The following MAP3K1 variants were observed in gnomAD, a reference collection of about 807,000 sequenced individuals.
MAP3K1 encodes mitogen-activated protein kinase kinase kinase 1.
In MAP3K1, 36 loss-of-function variants were observed where a neutral mutation model predicts 144.2. That is an observed-to-expected ratio of 0.25 (90% CI 0.19 to 0.33). MAP3K1 has a LOEUF of 0.33. Ranked by LOEUF, MAP3K1 falls within the 10% of genes least tolerant of loss-of-function variation. The probability of loss-of-function intolerance (pLI) is 1.00; values close to 1 mark genes in which losing one functional copy is unlikely to be tolerated. For missense variants in MAP3K1, 1,650 were observed against 1,881.9 expected, an observed-to-expected ratio of 0.88 and a Z score of 2.28; for synonymous variants, 718 against 688.7, an observed-to-expected ratio of 1.04 and a Z score of -0.67.
chr5:56,831,547 T>G (rs1746494908), intron 1 of MAP3K1, among the ~76,000 whole-genome samples: 1 of 152,246 alleles, frequency 6.6e-6, no homozygotes, highest in East Asian at 1.9e-4. Flanking sequence ...CAGGCAGGCA[T>G]TTAGTTTGCA....
At chr5:56,817,228 T>A (rs577098096) in intron 1 of MAP3K1, 1 of 412,262 alleles carries the variant, frequency 2.4e-6, no homozygotes, top group Non-Finnish European at 3.3e-6. Flanking sequence ...GTTTGTTTTT[T>A]AAAAACCTGA....
Position 56,856,634 on chromosome 5 carries a change from T to A in MAP3K1, c.517T>A (p.Leu173Met). 7 of 1,613,902 alleles carry A rather than the reference T, an allele frequency of 4.3e-6. No individual in the cohort carries two copies. The highest frequency in any genetic ancestry group is 5.9e-6 in the Non-Finnish European group (7 of 1,179,846). The change falls in exon 2 of 20, where the codon TTG becomes ATG. Residue 173 changes from leucine to methionine, a missense_variant. By Grantham distance (15) the Leu-to-Met change is conservative. Transcript: ENST00000399503. ...GGAGAATAAAGAAACTCTCAAAGGG[T>A]TGCACAAGATGGATGATCGTCCAGA... ...EMENKETLKGLHKMDDRPEER... is the reference protein window; with the variant it reads ...EMENKETLKGMHKMDDRPEER...
intron 15 of MAP3K1, among the ~76,000 whole-genome samples, chr5:56,884,294 A>G (rs1324362016): frequency 1.3e-5 from 2 of 150,740 alleles, no homozygotes; most frequent in African/African-American, 2.4e-5. Context: ...GTGCGGTGCC[A>G]TCTTGGGGTT....
At chr5:56,868,321 A>G (rs1403985085) in intron 6 of MAP3K1, among the ~76,000 whole-genome samples, 2 of 152,156 alleles carry the variant, frequency 1.3e-5, no homozygotes, top group African/African-American at 4.8e-5. Flanking sequence ...AGAAAAAACT[A>G]TGCTAAAAAA....
chr5:56,835,393 G>T (rs187710383), intron 1 of MAP3K1, among the ~76,000 whole-genome samples: 2,584 of 124,480 alleles, frequency 0.021, 229 homozygotes, highest in African/African-American at 0.095. Context: ...CAGGGAAGAG[G>T]AGACAAGGAG....
Position 56,860,982 on chromosome 5 carries a change from T to C in MAP3K1, c.834+1067T>C, listed in dbSNP as rs115943789. On this transcript the variant is annotated intron_variant, in intron 3 of 19. Coordinates refer to ENST00000399503, the MANE Select transcript of MAP3K1 (RefSeq NM_005921.2). ...CACTATGAGCTTGACAGCCTCCCAG[T>C]GCTTAGACTTTTCTGATAAGATTGG... Among the ~76,000 whole-genome samples, 1,104 of 152,170 alleles carry C rather than the reference T, an allele frequency of 7.3e-3. 22 individuals are homozygous for C. Among genetic ancestry groups the C allele is most frequent in the African/African-American group, 0.024 (1,005 of 41,414 alleles).
At chr5:56,858,507 G>A (rs1165190339) in intron 2 of MAP3K1, among the ~76,000 whole-genome samples, 1 of 152,184 alleles carries the variant, frequency 6.6e-6, no homozygotes, top group African/African-American at 2.4e-5. Flanking sequence ...ATGATTTACG[G>A]ATTTCGTATT....
chr5:56,851,825 G>A (rs1431293108), intron 1 of MAP3K1, among the ~76,000 whole-genome samples: 1 of 152,182 alleles, frequency 6.6e-6, no homozygotes, highest in Admixed American at 6.5e-5. Flanking sequence ...TTAGGACTGG[G>A]CAGACCCTTC....
intron 1 of MAP3K1, among the ~76,000 whole-genome samples, chr5:56,855,398 A>G (rs538029351): frequency 1.3e-5 from 2 of 152,254 alleles, no homozygotes; most frequent in Admixed American, 6.5e-5. Flanking sequence ...CTTAATGCCT[A>G]TTTGCAAGTT....
chr5:56,824,546 G>A (rs7711766), intron 1 of MAP3K1, among the ~76,000 whole-genome samples: 4,902 of 152,220 alleles, frequency 0.032, 252 homozygotes, highest in African/African-American at 0.11. Context: ...CATTGCAGTC[G>A]GGGGCCACCT....
rs1745922067 is a variant in MAP3K1, at chr5:56,815,636, C to T, written c.63C>T (p.Ser21=). 3.0e-6 allele frequency: 4 copies of T among 1,334,010 alleles called. No homozygotes were observed. Among genetic ancestry groups the T allele is most frequent in the Admixed American group, 6.6e-5 (2 of 30,154 alleles). The allele number at this position is 1,334,010 out of a possible 1,614,324, so 82.6% of individuals were successfully genotyped here. A position where few individuals can be genotyped will look rare whatever the true frequency, so the allele number is the denominator to read the frequency against. ...SSGFPGARAT[S]PEAGGGGGAL... ...GATTCCCGGGCGCCAGGGCTACGAG[C>T]CCTGAGGCAGGCGGCGGCGGAGGAG... is the stretch of plus-strand genomic sequence containing the variant. The change falls in exon 1 of 20, where the codon AGC becomes AGT. Residue 21 remains serine, a synonymous_variant. Transcript: ENST00000399503.
chr5:56,886,768 CCTTTT>C (rs1432277759), intron 17 of MAP3K1, among the ~76,000 whole-genome samples: 5 of 151,972 alleles, frequency 3.3e-5, no homozygotes, highest in Admixed American at 2.0e-4. Context: ...TTTTCCTTAT[CCTTTT>C]CTTTTTTTTG....
chr5:56,855,679 GT>G (rs1157586447), intron 1 of MAP3K1, among the ~76,000 whole-genome samples: 1 of 152,076 alleles, frequency 6.6e-6, no homozygotes, highest in Non-Finnish European at 1.5e-5. Context: ...TGAGGTTCTT[GT>G]TTTTGGTATT....
chr5:56,891,960 A>G (rs888526378), intron 19 of MAP3K1, among the ~76,000 whole-genome samples: 1 of 152,186 alleles, frequency 6.6e-6, no homozygotes, highest in African/African-American at 2.4e-5. Context: ...GTTTGAAGTC[A>G]GGTAGCATGA....
intron 1 of MAP3K1, among the ~76,000 whole-genome samples, chr5:56,828,710 T>A (rs923875779): frequency 1.3e-5 from 2 of 152,194 alleles, no homozygotes; most frequent in Non-Finnish European, 2.9e-5. Context: ...GGGCAGTTTT[T>A]AAAGTAACTT....
chr5:56,881,006 C>A, intron 12 of MAP3K1, 77 bp from the exon 13 acceptor site: 1 of 1,288,360 alleles, frequency 7.8e-7, no homozygotes, highest in East Asian at 2.5e-5. Context: ...GTTGGCCTTA[C>A]ACCATTTAAT....
intron 2 of MAP3K1, 31 bp from the exon 3 acceptor site, chr5:56,859,684 G>A (rs1168925230): frequency 1.3e-6 from 2 of 1,489,022 alleles, no homozygotes; most frequent in Non-Finnish European, 1.9e-6. Context: ...ATATTTTTAA[G>A]TAATCAAAAT....
intron 6 of MAP3K1, among the ~76,000 whole-genome samples, chr5:56,870,042 T>C (rs1366675415): frequency 6.6e-6 from 1 of 152,164 alleles, no homozygotes; most frequent in Non-Finnish European, 1.5e-5. Context: ...GAACTGGTTA[T>C]TTTGCTGGTA....
intron 1 of MAP3K1, among the ~76,000 whole-genome samples, chr5:56,817,971 T>TC (rs1746030712): frequency 6.6e-6 from 1 of 152,194 alleles, no homozygotes; most frequent in African/African-American, 2.4e-5. Context: ...CGAGGTTTTT[T>TC]CCCCTTTGCT....
Sources: gnomAD v4.1 joint callset for allele counts (sites outside exome capture counted in the v4.1 genomes callset) on GRCh38, gnomAD v4.1.1 for gene constraint, MANE v1.5 for transcripts, NCBI Gene and HGNC (gene_info 2026-07-23, HGNC 2026-07-21) for gene names.